The following SH3PXD2B variants were observed in gnomAD, a reference collection of about 807,000 sequenced individuals.
The protein encoded by SH3PXD2B is SH3 and PX domain-containing protein 2B.
A neutral mutation model predicts 73.1 loss-of-function variants in SH3PXD2B; 37 were observed. The observed-to-expected ratio is 0.51, with a 90% CI of 0.39 to 0.67. The LOEUF (loss-of-function observed/expected upper bound fraction) is 0.67. SH3PXD2B is among the 30% of genes least tolerant of loss of function. The pLI, the probability that SH3PXD2B is intolerant of heterozygous loss-of-function variation, is 0.00. For synonymous variants in SH3PXD2B, 457 were observed against 480.5 expected (o/e 0.95, Z 0.64); for missense variants, 1,053 against 1,197.8 (o/e 0.88, Z 1.78).
chr5:172,397,928 C>G (rs1427253878), intron 3 of SH3PXD2B, among the ~76,000 whole-genome samples: 2 of 152,220 alleles, frequency 1.3e-5, no homozygotes. Flanking sequence ...TTTAGGTTAT[C>G]CTTTTTAGTG....
intron 1 of SH3PXD2B, among the ~76,000 whole-genome samples, chr5:172,442,033 C>T (rs1032702235): frequency 6.6e-6 from 1 of 152,170 alleles, no homozygotes; most frequent in African/African-American, 2.4e-5. Context: ...GTAGAGAAAA[C>T]TTGGGTAGTA....
chr5:172,452,598 G>C (rs1340336260), intron 1 of SH3PXD2B, among the ~76,000 whole-genome samples: 1 of 152,146 alleles, frequency 6.6e-6, no homozygotes, highest in Non-Finnish European at 1.5e-5. Context: ...CCCTCTGCCT[G>C]ATATGGGCGT....
intron 1 of SH3PXD2B, among the ~76,000 whole-genome samples, chr5:172,423,569 G>C (rs544680940): frequency 6.7e-6 from 1 of 149,626 alleles, no homozygotes; most frequent in South Asian, 2.1e-4. Context: ...CACATTCTCT[G>C]TTCATGGTGA....
downstream of SH3PXD2B, among the ~76,000 whole-genome samples, chr5:172,329,269 A>G (rs189559887): frequency 4.3e-3 from 642 of 149,904 alleles, 4 homozygotes; most frequent in African/African-American, 0.015. Flanking sequence ...TTTTTAGTAG[A>G]GATGAGGTTT....
At chr5:172,332,566 T>C (rs1181187656), downstream of SH3PXD2B, among the ~76,000 whole-genome samples, 1 of 143,022 alleles carries the variant, frequency 7.0e-6, no homozygotes, top group Admixed American at 7.2e-5. Context: ...CTTCTGTTTT[T>C]CTCCTTCTAA....
Position 172,428,181 on chromosome 5 carries a change from G to C in SH3PXD2B, c.76-5685C>G, listed in dbSNP as rs148513616. On this transcript the variant is annotated intron_variant, in intron 1 of 12. Transcript: ENST00000311601. ...CTCCATGGCACAGCCTTCAAAACAT[G>C]AGCTGCACATCTGAGAAACAACTTC... 2.1e-3 allele frequency among the ~76,000 whole-genome samples: 323 copies of C among 152,310 alleles called. 2 individuals carry two copies. Among genetic ancestry groups the C allele is most frequent in the African/African-American group, 7.5e-3 (310 of 41,570 alleles).
intron 7 of SH3PXD2B, among the ~76,000 whole-genome samples, chr5:172,361,234 T>C (rs1240073921): frequency 3.3e-5 from 5 of 152,158 alleles, no homozygotes. Context: ...TATATAACAT[T>C]TTCAAGAAAG....
At chr5:172,374,006 T>G (rs1303120637) in intron 5 of SH3PXD2B, among the ~76,000 whole-genome samples, 191 bp from the exon 6 acceptor site, 1 of 152,210 alleles carries the variant, frequency 6.6e-6, no homozygotes, top group Non-Finnish European at 1.5e-5. Context: ...TTTCCCCCTT[T>G]GCCTGATAAG....
intron 2 of SH3PXD2B, among the ~76,000 whole-genome samples, chr5:172,416,595 G>C (rs1343611277): frequency 6.7e-6 from 1 of 149,808 alleles, no homozygotes; most frequent in Non-Finnish European, 1.5e-5. Flanking sequence ...CAAAGTGCTG[G>C]GATTACAGGC....
At chr5:172,362,301 T>C (rs1355957871) in intron 7 of SH3PXD2B, among the ~76,000 whole-genome samples, 3 of 152,184 alleles carry the variant, frequency 2.0e-5, no homozygotes. Flanking sequence ...CCAGCCAGTG[T>C]TCATGACCAG....
intron 12 of SH3PXD2B, among the ~76,000 whole-genome samples, chr5:172,344,530 G>C (rs1659124444): frequency 7.1e-6 from 1 of 141,520 alleles, no homozygotes; most frequent in African/African-American, 2.6e-5. Flanking sequence ...GGAGGTTGCA[G>C]TGAGCTGAGA....
chr5:172,425,174 C>T lies in SH3PXD2B; in HGVS notation c.76-2678G>A, dbSNP rs897469178. On this transcript the variant is annotated intron_variant, in intron 1 of 12. Transcript: ENST00000311601. ...TTCTTAGCTTTCCACCCTGCTTCACCGAGACTCCAGCATGGAGATTTTGAA... is the reference window on the plus strand; with the variant it reads ...TTCTTAGCTTTCCACCCTGCTTCACTGAGACTCCAGCATGGAGATTTTGAA... Among the ~76,000 whole-genome samples, 9 of 152,272 alleles carry T rather than the reference C, an allele frequency of 5.9e-5. No individual in the cohort carries two copies. In the South Asian group the frequency reaches 1.7e-3, roughly 28 times the overall value.
At position 172,445,979 on chromosome 5, in the gene SH3PXD2B, G is replaced by A. The variant is rs143064352; in HGVS notation, c.75+8299C>T. 5.8e-3 allele frequency among the ~76,000 whole-genome samples: 891 copies of A among 152,342 alleles called. 11 individuals carry two copies. Among genetic ancestry groups the A allele is most frequent in the African/African-American group, 0.02 (823 of 41,588 alleles). ...CAGAGTCCGGAGGAGGCAGCCACAC[G>A]AGCCCTGCCCCCGGCCCACTGCTGG... is the stretch of plus-strand genomic sequence containing the variant. On this transcript the variant is annotated intron_variant, in intron 1 of 12. Coordinates refer to ENST00000311601, the MANE Select transcript of SH3PXD2B (RefSeq NM_001017995.3). This position sits in a 1 kb window ranked among gnomAD's most constrained non-coding sequence, Gnocchi z 5.2.
chr5:172,358,987 T>A (rs1757342387), intron 7 of SH3PXD2B, 110 bp from the exon 8 acceptor site: 3 of 1,011,814 alleles, frequency 3.0e-6, no homozygotes, highest in Non-Finnish European at 4.6e-6. Flanking sequence ...AGGGTAAGGC[T>A]AAAGTTACCA....
chr5:172,394,232 A>G (rs1201950375), intron 4 of SH3PXD2B, among the ~76,000 whole-genome samples: 1 of 152,270 alleles, frequency 6.6e-6, no homozygotes, highest in African/African-American at 2.4e-5. Flanking sequence ...GGCGTGAGCC[A>G]CTGTACCCAG....
intron 6 of SH3PXD2B, among the ~76,000 whole-genome samples, chr5:172,368,470 A>ATATATATATATAAAATATATATAT (rs1757579915): frequency 4.1e-5 from 1 of 24,528 alleles, no homozygotes; most frequent in Non-Finnish European, 6.4e-5. Context: ...TATATATATT[A>ATATATATATATAAAATATATATAT]TATATATATA....
chr5:172,390,813 T>TGTGTG (rs1758167351), intron 4 of SH3PXD2B, among the ~76,000 whole-genome samples: 2 of 116,764 alleles, frequency 1.7e-5, no homozygotes, highest in African/African-American at 7.1e-5. Context: ...GCTTCCCGTC[T>TGTGTG]TTTGTGTGTG....
At position 172,338,085 on chromosome 5, in the gene SH3PXD2B, C is replaced by A; in HGVS notation, c.*284G>T. ...TTGGTCCCACTGCTGGGTGGCAATG[C>A]CATTGGCCAGGAGGAGTTCTCTTAA... On this transcript the variant is annotated 3_prime_UTR_variant, in exon 13 of 13. Transcript: ENST00000311601. This position sits in a 1 kb window ranked among gnomAD's most constrained non-coding sequence, Gnocchi z 5.1. 7.4e-7 allele frequency: 1 copy of A among 1,344,720 alleles called. No homozygotes were observed. The highest frequency in any genetic ancestry group is 9.6e-7 in the Non-Finnish European group (1 of 1,044,258). The allele number at this position is 1,344,720 out of a possible 1,614,324, so 83.3% of individuals were successfully genotyped here.
At chr5:172,389,742 G>A (rs933426134) in intron 4 of SH3PXD2B, among the ~76,000 whole-genome samples, 4 of 151,736 alleles carry the variant, frequency 2.6e-5, no homozygotes, top group African/African-American at 9.7e-5. Context: ...TAAAAATAAA[G>A]CCTACTCCTC....
Sources: gnomAD v4.1 joint callset for allele counts (sites outside exome capture counted in the v4.1 genomes callset) on GRCh38, gnomAD v4.1.1 for gene constraint, Gnocchi (gnomAD v3.1) non-coding constraint, MANE v1.5 for transcripts, NCBI Gene and HGNC (gene_info 2026-07-23, HGNC 2026-07-21) for gene names.